Variants in NEK5 observed in about 807,000 individuals in gnomAD.
NEK5 encodes the protein NIMA related kinase 5.
In NEK5, 88 loss-of-function variants were observed where a neutral mutation model predicts 109.2. The observed-to-expected ratio is 0.81, with a 90% confidence interval of 0.68 to 0.96. NEK5 has a LOEUF of 0.96. Among genes scored for constraint, NEK5 ranks in the 40% least tolerant of loss-of-function variants. The pLI, the probability that NEK5 is intolerant of heterozygous loss-of-function variation, is 0.00. For synonymous variants in NEK5, 283 were observed against 299.9 expected, an observed-to-expected ratio of 0.94 and a Z score of 0.58; for missense variants, 834 against 920.7, an observed-to-expected ratio of 0.91 and a Z score of 1.22.
rs747644719 is a variant in NEK5 at position 52,075,715 on chromosome 13, T to G, written c.1722+43A>C. 2.5e-6 allele frequency: 3 copies of G among 1,202,416 alleles called. No individual in the cohort carries two copies. In the Admixed American group the frequency reaches 7.1e-5, roughly 28 times the overall value. 74.5% of individuals were successfully genotyped at this position (1,202,416 alleles called of 1,614,324 possible). A position where few individuals can be genotyped will look rare whatever the true frequency, so the allele number is the denominator to read the frequency against. On this transcript the variant is annotated intron_variant, in intron 19 of 23. Coordinates refer to ENST00000684899, the MANE Select transcript of NEK5 (RefSeq NM_001365552.1). ...GAAACATGCTATTAAGATATATGCATTTTCTGATACCTACTAATGGAAATT... is the reference window on the plus strand; with the variant it reads ...GAAACATGCTATTAAGATATATGCAGTTTCTGATACCTACTAATGGAAATT...
Position 52,087,337 on chromosome 13 carries a change from C to T in NEK5, c.1392+1G>A. The stretch of plus-strand genomic sequence containing the variant: ...AGCCCTGGAATTAAACAGTTTTTAA[C>T]CTGTTCCTTCATTTCGTTTTTCCTA... On this transcript the variant is annotated splice_donor_variant, in intron 15 of 23. Transcript: ENST00000684899. LOFTEE classifies it high-confidence loss of function. 1.4e-6 allele frequency: 2 copies of T among 1,446,750 alleles called. No individual in the cohort carries two copies. The highest frequency in any genetic ancestry group is 1.9e-6 in the Non-Finnish European group (2 of 1,028,208). 89.6% of individuals were successfully genotyped at this position (1,446,750 alleles called of 1,614,324 possible). A position where few individuals can be genotyped will look rare whatever the true frequency, so the allele number is the denominator to read the frequency against.
intron 8 of NEK5, among the ~76,000 whole-genome samples, chr13:52,106,512 T>A (rs1955658669): frequency 6.6e-6 from 1 of 152,114 alleles, no homozygotes; most frequent in African/African-American, 2.4e-5. Flanking sequence ...ACACCTGCAA[T>A]CCCAGCACTT....
intron 20 of NEK5, 58 bp from the exon 21 acceptor site, chr13:52,065,667 C>T: frequency 7.9e-7 from 1 of 1,266,762 alleles, no homozygotes; most frequent in Non-Finnish European, 1.1e-6. Context: ...ACTAATTGTC[C>T]CAAACACTTC....
chr13:52,070,166 G>T (rs1365471754), intron 20 of NEK5, among the ~76,000 whole-genome samples: 1 of 152,138 alleles, frequency 6.6e-6, no homozygotes, highest in Admixed American at 6.5e-5. Context: ...GGGCATTCCA[G>T]CTGTAGGAGA....
At position 52,127,620 on chromosome 13, in the gene NEK5, T is replaced by G; in HGVS notation, c.-48A>C. The G allele has an allele frequency of 1.6e-6, 1 of 620,854 alleles. No homozygotes were observed. The highest frequency in any genetic ancestry group is 2.9e-6 in the Non-Finnish European group (1 of 347,484). 38.5% of individuals were successfully genotyped at this position (620,854 alleles called of 1,614,324 possible). On this transcript the variant is annotated 5_prime_UTR_variant, in exon 2 of 24. Coordinates refer to ENST00000684899, the MANE Select transcript of NEK5 (RefSeq NM_001365552.1). ...TTAGCTAAAACTTTCCTCCCAGCCT[T>G]GCCAAGACAGAGACAAATAACTTTC...
intron 22 of NEK5, among the ~76,000 whole-genome samples, chr13:52,050,720 C>CTTTTTTTTTTTTT (rs772811272): frequency 3.1e-4 from 31 of 99,898 alleles, no homozygotes; most frequent in Non-Finnish European, 5.1e-4. Context: ...TTGTTTTTTT[C>CTTTTTTTTTTTTT]TTTTTTTTTT....
At chr13:52,075,601 T>C (rs1489470176) in intron 19 of NEK5, among the ~76,000 whole-genome samples, 157 bp downstream of exon 19, 1 of 152,010 alleles carries the variant, frequency 6.6e-6, no homozygotes, top group Non-Finnish European at 1.5e-5. Flanking sequence ...TCACACAACA[T>C]ATCCAGGTAA....
rs1954359796 is a variant in NEK5 at position 52,036,141 on chromosome 13, T to A, written c.*807A>T. ...TTTGCCTTTTCCAGATTCCAGAGGC[T>A]GTCTGAATTCTTAGTTTGTGGCCTT... On this transcript the variant is annotated 3_prime_UTR_variant, in exon 24 of 24. Coordinates refer to ENST00000684899, the MANE Select transcript of NEK5 (RefSeq NM_001365552.1). The A allele has an allele frequency of 6.6e-6, 1 of 152,210 alleles. No individual in the cohort carries two copies. The highest frequency in any genetic ancestry group is 2.4e-5 in the African/African-American group (1 of 41,446). The allele number at this position is 152,210 out of a possible 1,614,324, so 9.4% of individuals were successfully genotyped here. A position where few individuals can be genotyped will look rare whatever the true frequency, so the allele number is the denominator to read the frequency against.
chr13:52,087,500 A>T, intron 14 of NEK5, 46 bp from the exon 15 acceptor site: 1 of 942,088 alleles, frequency 1.1e-6, no homozygotes, highest in Non-Finnish European at 1.7e-6. Flanking sequence ...TTGATTTCGG[A>T]AACATCTTCT....
chr13:52,047,168 C>T (rs1411909717), intron 23 of NEK5, among the ~76,000 whole-genome samples: 2 of 151,332 alleles, frequency 1.3e-5, no homozygotes, highest in African/African-American at 4.9e-5. Flanking sequence ...CTGTGAAGGA[C>T]AATTTTATGA....
At chr13:52,121,398 G>A (rs549673369) in intron 3 of NEK5, among the ~76,000 whole-genome samples, 1 of 152,198 alleles carries the variant, frequency 6.6e-6, no homozygotes, top group East Asian at 1.9e-4. Flanking sequence ...GGCCTCAAGT[G>A]ATCTAGCTGC....
chr13:52,060,196 G>A (rs75402307), intron 22 of NEK5, among the ~76,000 whole-genome samples: 23 of 151,966 alleles, frequency 1.5e-4, no homozygotes, highest in Admixed American at 2.0e-4. Flanking sequence ...GAGAAACAAA[G>A]ATACTTAGAT....
intron 22 of NEK5, among the ~76,000 whole-genome samples, chr13:52,057,402 T>C (rs1954568079): frequency 1.3e-5 from 2 of 150,094 alleles, no homozygotes; most frequent in Admixed American, 6.7e-5. Flanking sequence ...CTTCTGAAAC[T>C]ATTCCAATCA....
chr13:52,098,602 T>C (rs1011915296), intron 12 of NEK5, among the ~76,000 whole-genome samples: 2 of 152,136 alleles, frequency 1.3e-5, no homozygotes, highest in African/African-American at 4.8e-5. Flanking sequence ...GAAATATCAA[T>C]TATTATATCA....
intron 4 of NEK5, among the ~76,000 whole-genome samples, chr13:52,115,394 C>A (rs529515896): frequency 1.3e-5 from 2 of 151,156 alleles, no homozygotes; most frequent in Admixed American, 1.3e-4. Context: ...CACCTGAGGT[C>A]AGGAATTTGA....
intron 13 of NEK5, among the ~76,000 whole-genome samples, chr13:52,091,612 T>C (rs1955285400): frequency 6.6e-6 from 1 of 152,154 alleles, no homozygotes; most frequent in Admixed American, 6.5e-5. Context: ...ATTTCAACAA[T>C]AAACAATCAG....
intron 8 of NEK5, among the ~76,000 whole-genome samples, chr13:52,105,201 G>C (rs1248022582): frequency 6.6e-6 from 1 of 151,894 alleles, no homozygotes; most frequent in African/African-American, 2.4e-5. Flanking sequence ...TGAGGAGTGA[G>C]GTAAATGGCT....
chr13:52,090,838 A>G (rs1955265582), intron 13 of NEK5, among the ~76,000 whole-genome samples: 1 of 152,112 alleles, frequency 6.6e-6, no homozygotes, highest in African/African-American at 2.4e-5. Flanking sequence ...CTCCTGGCTG[A>G]CACAGTGAAA....
chr13:52,071,511 G>A (rs1237890447), intron 20 of NEK5, among the ~76,000 whole-genome samples: 1 of 152,182 alleles, frequency 6.6e-6, no homozygotes, highest in Admixed American at 6.5e-5. Context: ...ACTTACAATT[G>A]TGTTGATAAA....
Sources: gnomAD v4.1 joint callset for allele counts (sites outside exome capture counted in the v4.1 genomes callset) on GRCh38, gnomAD v4.1.1 for gene constraint, MANE v1.5 for transcripts, NCBI Gene and HGNC (gene_info 2026-07-23, HGNC 2026-07-21) for gene names.